The following HEPH variants were observed in gnomAD, a reference collection of about 807,000 sequenced individuals.
HEPH encodes hephaestin.
HEPH carries 69 observed loss-of-function variants against 80.8 expected under a neutral mutation model. The ratio of observed to expected loss-of-function variants is 0.85; its 90% CI spans 0.70 to 1.04. HEPH has a LOEUF of 1.04. Among genes scored for constraint, HEPH ranks in the 50% least tolerant of loss-of-function variants. The pLI is 0.00. For missense variants in HEPH, 1,115 were observed against 891.3 expected (o/e 1.25, Z -3.20); for synonymous variants, 431 against 322.8 (o/e 1.34, Z -3.60).
At chrX:66,212,804 C>T (rs2089199173) in intron 15 of HEPH, among the ~76,000 whole-genome samples, 1 of 110,119 alleles carries the variant, frequency 9.1e-6, no homozygotes, top group Non-Finnish European at 1.9e-5. Flanking sequence ...ACTGCTTTGG[C>T]TATTTGGGCT....
chrX:66,213,928 G>T (rs1379207959), intron 15 of HEPH, among the ~76,000 whole-genome samples: 1 of 112,313 alleles, frequency 8.9e-6, no homozygotes, highest in Non-Finnish European at 1.9e-5. Context: ...CAAGAAAGAT[G>T]TTAATTTGAT....
chrX:66,243,350 G>T (rs956597834), intron 15 of HEPH, among the ~76,000 whole-genome samples: 6 of 112,251 alleles, frequency 5.3e-5, no homozygotes, highest in Non-Finnish European at 1.1e-4. Flanking sequence ...GGTGGAGGAT[G>T]CCAGGAGGCT....
intron 15 of HEPH, among the ~76,000 whole-genome samples, chrX:66,214,090 C>T (rs1023121789): frequency 5.4e-5 from 6 of 111,910 alleles, no homozygotes; most frequent in Non-Finnish European, 1.1e-4. Flanking sequence ...TGAATTAGTA[C>T]AGGGTCTGTG....
At chrX:66,203,612 G>GA (rs1306195385) in intron 13 of HEPH, 35 bp downstream of exon 13, 4 of 1,142,647 alleles carry the variant, frequency 3.5e-6, no homozygotes, top group African/African-American at 3.6e-5. Flanking sequence ...TACACTTTTA[G>GA]AAAAACATTT....
In HEPH at chrX:66,195,174, G is replaced by A. The variant is rs1408863114; in HGVS notation, c.1446G>A (p.Met482Ile). Reference sequence around the variant, plus strand: ...ACCGTGCCTCCCAGCCATTCAGCATGCAGCCCCATGGGGTCTTTTATGAGA... The same window carrying A: ...ACCGTGCCTCCCAGCCATTCAGCATACAGCCCCATGGGGTCTTTTATGAGA... ...FYNRASQPFS[M>I]QPHGVFYEKD... The change falls in exon 9 of 21, where the codon ATG becomes ATA. Residue 482 changes from methionine (M) to isoleucine (I), a missense_variant. Coordinates refer to ENST00000343002, the MANE Select transcript of HEPH (RefSeq NM_001367233.3). 8.3e-7 allele frequency: 1 copy of A among 1,204,075 alleles called. No individual in the cohort carries two copies. Among genetic ancestry groups the A allele is most frequent in the Non-Finnish European group, 1.1e-6 (1 of 891,621 alleles).
chrX:66,263,841 C>A (rs760816899), intron 20 of HEPH, among the ~76,000 whole-genome samples, 153 bp downstream of exon 20: 2 of 110,953 alleles, frequency 1.8e-5, no homozygotes, highest in East Asian at 5.7e-4. Flanking sequence ...CTTCAGAAGC[C>A]AAAGAACCAA....
At chrX:66,196,394 A>G (rs1032672318) in intron 9 of HEPH, among the ~76,000 whole-genome samples, 1 of 111,785 alleles carries the variant, frequency 8.9e-6, no homozygotes. Flanking sequence ...AGTTTTCTGT[A>G]TATTTGAAAA....
intron 4 of HEPH, among the ~76,000 whole-genome samples, chrX:66,187,964 G>A (rs1478756223): frequency 8.9e-6 from 1 of 111,793 alleles, no homozygotes; most frequent in Non-Finnish European, 1.9e-5. Context: ...AATCAGATAT[G>A]TAGTAAGAGT....
intron 1 of HEPH, among the ~76,000 whole-genome samples, chrX:66,169,308 T>C (rs1269697295): frequency 8.9e-6 from 1 of 112,306 alleles, no homozygotes; most frequent in Non-Finnish European, 1.9e-5. Flanking sequence ...TAAGATTTTA[T>C]ATAACAGAGT....
chrX:66,176,477 C>T (rs2206204), intron 4 of HEPH, among the ~76,000 whole-genome samples: 7,452 of 111,125 alleles, frequency 0.067, 589 homozygotes, highest in African/African-American at 0.23. Context: ...TCAGGGATAT[C>T]GGTCTGTAGT....
chrX:66,184,559 A>T (rs2087333485), intron 4 of HEPH, among the ~76,000 whole-genome samples: 1 of 40,749 alleles, frequency 2.5e-5, no homozygotes, highest in Admixed American at 3.0e-4. Flanking sequence ...GGCTTGGTAG[A>T]TCTTCCTCCA....
chrX:66,251,683 G>A (rs2091011553), intron 15 of HEPH, among the ~76,000 whole-genome samples: 2 of 111,574 alleles, frequency 1.8e-5, no homozygotes, highest in African/African-American at 6.5e-5. Flanking sequence ...ATAGAAATCA[G>A]CCATATTAAG....
rs2086688818 is a variant in HEPH, at chrX:66,173,740, T to C, written c.564T>C (p.His188=). The C allele has an allele frequency of 7.5e-6, 9 of 1,205,473 alleles. No individual in the cohort carries two copies. The highest frequency in any genetic ancestry group is 1.0e-5 in the Non-Finnish European group (9 of 892,886). ...PACLTWIYHS[H]VDAPRDIATG... is the part of the protein sequence containing the mutation. ...GCCTCACCTGGATCTACCATTCTCA[T>C]GTAGATGCTCCACGAGACATTGCAA... The change falls in exon 4 of 21, where the codon CAT becomes CAC. Residue 188 remains histidine, a synonymous_variant. Coordinates refer to ENST00000343002, the MANE Select transcript of HEPH (RefSeq NM_001367233.3).
intron 15 of HEPH, among the ~76,000 whole-genome samples, chrX:66,212,237 T>C (rs1340966680): frequency 9.1e-6 from 1 of 109,844 alleles, no homozygotes; most frequent in Non-Finnish European, 1.9e-5. Flanking sequence ...TATTCTAGTA[T>C]TAGTCTCCTG....
In HEPH at chrX:66,172,537, A is replaced by G; in HGVS notation, c.350A>G (p.Asn117Ser). The change falls in exon 3 of 21, where the codon AAT (asparagine) becomes AGT (serine). Residue 117 changes from asparagine (N) to serine (S), a missense_variant. Asn to Ser is a conservative substitution (Grantham distance 46). Transcript: ENST00000343002. ...VGDVILIHLKNFATRPYTIHP... is the reference protein window; with the variant it reads ...VGDVILIHLKSFATRPYTIHP... ...GATGTCATTCTTATTCACCTGAAGA[A>G]TTTTGCCACTCGTCCCTATACCATC... is the stretch of plus-strand genomic sequence containing the variant. 1 of 1,208,874 alleles carries G rather than the reference A, an allele frequency of 8.3e-7. No homozygotes were observed. The highest frequency in any genetic ancestry group is 1.1e-6 in the Non-Finnish European group (1 of 893,790).
chrX:66,196,094 A>G (rs1379630944), intron 9 of HEPH, among the ~76,000 whole-genome samples: 1 of 111,530 alleles, frequency 9.0e-6, no homozygotes, highest in African/African-American at 3.2e-5. Flanking sequence ...TTGTAAAAAT[A>G]GCTTTAGGAG....
chrX:66,245,699 A>G (rs1008971854), intron 15 of HEPH, among the ~76,000 whole-genome samples: 1 of 111,470 alleles, frequency 9.0e-6, no homozygotes, highest in Admixed American at 9.5e-5. Context: ...ACCACACCAC[A>G]CCTATTCCAA....
chrX:66,222,390 C>A (rs2089690668), intron 15 of HEPH, among the ~76,000 whole-genome samples: 1 of 112,474 alleles, frequency 8.9e-6, no homozygotes, highest in South Asian at 3.7e-4. Flanking sequence ...CAATCTGGGC[C>A]TCTGGCTTGC....
Position 66,193,528 on chromosome X carries a change from G to C in HEPH, c.1259G>C (p.Ser420Thr). ...ATCTCAGATAAGTTTTTCCAGAAGA[G>C]CTCCAGCCGAATTGGGGGCACTTAC... ...GSISDKFFQK[S>T]SSRIGGTYWK... The change falls in exon 8 of 21, where the codon AGC becomes ACC. Residue 420 changes from serine to threonine, a missense_variant. By Grantham distance (58) the Ser-to-Thr change is moderately conservative. Coordinates refer to ENST00000343002, the MANE Select transcript of HEPH (RefSeq NM_001367233.3). The C allele has an allele frequency of 1.1e-5, 13 of 1,188,064 alleles. No homozygotes were observed. The highest frequency in any genetic ancestry group is 1.5e-5 in the Non-Finnish European group (13 of 880,392).
Sources: gnomAD v4.1 joint callset for allele counts (sites outside exome capture counted in the v4.1 genomes callset) on GRCh38, gnomAD v4.1.1 for gene constraint, MANE v1.5 for transcripts, NCBI Gene and HGNC (gene_info 2026-07-23, HGNC 2026-07-21) for gene names.